PYHIN1: variants seen among roughly 807,000 people sequenced by gnomAD.
PYHIN1 encodes the protein pyrin and HIN domain family member 1, also known as pyrin and HIN domain-containing protein 1.
In PYHIN1, 32 loss-of-function variants were observed where a neutral mutation model predicts 43.7. The ratio of observed to expected loss-of-function variants is 0.73; its 90% CI spans 0.55 to 0.98. The LOEUF is 0.98. Ranked by LOEUF, PYHIN1 falls within the 50% of genes least tolerant of loss-of-function variation. PYHIN1 has a pLI of 0.00. For missense variants in PYHIN1, 588 were observed against 589.5 expected (o/e 1.00, Z 0.03); for synonymous variants, 205 against 203.1 (o/e 1.01, Z -0.08).
At chr1:158,961,789 C>A (rs1417940205) in intron 7 of PYHIN1, among the ~76,000 whole-genome samples, 2 of 152,154 alleles carry the variant, frequency 1.3e-5, no homozygotes, top group African/African-American at 4.8e-5. Context: ...CTCAGGCATA[C>A]AAGGAACCCT....
At chr1:158,979,091 A>T (rs1479695805), downstream of PYHIN1, among the ~76,000 whole-genome samples, 1 of 152,174 alleles carries the variant, frequency 6.6e-6, no homozygotes, top group East Asian at 1.9e-4. Flanking sequence ...GGCAAATCCA[A>T]CACTGTTAGC....
the PYHIN1 span, among the ~76,000 whole-genome samples, chr1:158,982,835 CTTG>C: frequency 6.6e-6 from 1 of 151,966 alleles, no homozygotes; most frequent in African/African-American, 2.4e-5. Context: ...TTTTGTAACT[CTTG>C]TTGTAGAAAT....
At position 158,943,810 on chromosome 1, in the gene PYHIN1, G is replaced by A. The variant is rs929866581; in HGVS notation, c.1023G>A (p.Thr341=). ...MLHTKIVNRK[T]TIYEIQDKTG... is the part of the protein sequence containing the mutation. ...TGCAGAAAATTGTAAATAGGAAGACGACAATCTATGAAATTCAGGATAAAA... is the reference window on the plus strand; with the variant it reads ...TGCAGAAAATTGTAAATAGGAAGACAACAATCTATGAAATTCAGGATAAAA... Residue 341 remains threonine (T), a synonymous_variant, in exon 6 of 9, where the codon ACG becomes ACA. Coordinates refer to ENST00000368140, the MANE Select transcript of PYHIN1 (RefSeq NM_152501.5). 34 of 1,599,656 alleles carry A rather than the reference G, an allele frequency of 2.1e-5. No homozygotes were observed. Among genetic ancestry groups the A allele is most frequent in the South Asian group, 3.4e-5 (3 of 88,930 alleles).
the PYHIN1 span, among the ~76,000 whole-genome samples, chr1:158,984,946 GT>G: frequency 1.0e-4 from 15 of 147,276 alleles, no homozygotes; most frequent in East Asian, 7.9e-4. Context: ...TTTAAGGTCT[GT>G]TTTTTTTTTC....
intron 7 of PYHIN1, among the ~76,000 whole-genome samples, chr1:158,952,445 C>T (rs1338844994): frequency 1.3e-5 from 2 of 152,104 alleles, no homozygotes; most frequent in Admixed American, 1.3e-4. Flanking sequence ...TGAACGGCTC[C>T]CCTTTTAATG....
At chr1:158,942,791 A>G (rs909309332) in intron 5 of PYHIN1, among the ~76,000 whole-genome samples, 1 of 152,204 alleles carries the variant, frequency 6.6e-6, no homozygotes, top group Non-Finnish European at 1.5e-5. Flanking sequence ...TTTTGAATAC[A>G]GTATTGTTCT....
At chr1:158,953,612 A>G (rs1446455362) in intron 7 of PYHIN1, among the ~76,000 whole-genome samples, 5 of 152,004 alleles carry the variant, frequency 3.3e-5, no homozygotes, top group East Asian at 1.9e-4. Context: ...CATCACCATC[A>G]TCAAAGACCA....
At chr1:158,973,906 C>A in intron 8 of PYHIN1, 135 bp downstream of exon 8, 1 of 1,057,280 alleles carries the variant, frequency 9.5e-7, no homozygotes, top group Non-Finnish European at 1.3e-6. Context: ...ATTCATTTAT[C>A]AATATATAAT....
At position 158,967,424 on chromosome 1, in the gene PYHIN1, C is replaced by T. The variant is rs564088771; in HGVS notation, c.1360-6223C>T. Among the ~76,000 whole-genome samples, 102 of 151,888 alleles carry T rather than the reference C, an allele frequency of 6.7e-4. 1 individual carries two copies. The South Asian group carries it at 0.021, about 31-fold the overall frequency. On this transcript the variant is annotated intron_variant, in intron 7 of 8. Coordinates refer to ENST00000368140, the MANE Select transcript of PYHIN1 (RefSeq NM_152501.5). ...GTTATTAACAATAAGAATTACAAAA[C>T]ACTGCTCAAAGAAATGAAGGAACAC...
At chr1:158,984,028 G>GTTTTTTTTTTTTTTTTTTT in the PYHIN1 span, among the ~76,000 whole-genome samples, 25 of 111,172 alleles carry the variant, frequency 2.2e-4, no homozygotes, top group African/African-American at 8.5e-4. Flanking sequence ...ATCTTCTCCT[G>GTTTTTTTTTTTTTTTTTTT]TTTTTTTTTT....
At chr1:158,957,027 C>T (rs1197605962) in intron 7 of PYHIN1, among the ~76,000 whole-genome samples, 1 of 146,942 alleles carries the variant, frequency 6.8e-6, no homozygotes, top group Non-Finnish European at 1.5e-5. Flanking sequence ...GAATAAAATA[C>T]CTAGGAATCC....
intron 5 of PYHIN1, 117 bp from the exon 6 acceptor site, chr1:158,943,673 G>T: frequency 1.6e-6 from 1 of 608,250 alleles, no homozygotes; most frequent in Non-Finnish European, 2.9e-6. Context: ...ATTGTATGTC[G>T]ATACAGTACT....
Position 158,933,492 on chromosome 1 carries a change from T to C in PYHIN1, c.-21+1716T>C, listed in dbSNP as rs1202024613. Among the ~76,000 whole-genome samples, 1 of 152,040 alleles carries C rather than the reference T, an allele frequency of 6.6e-6. No homozygotes were observed. Among genetic ancestry groups the C allele is most frequent in the African/African-American group, 2.4e-5 (1 of 41,434 alleles). Reference sequence around the variant, plus strand: ...GATAAGCTGGCTTTCTTCTAGTTTCTCCTTGCATGATAATTTAAATTTTTT... The same window carrying C: ...GATAAGCTGGCTTTCTTCTAGTTTCCCCTTGCATGATAATTTAAATTTTTT... On this transcript the variant is annotated intron_variant, in intron 1 of 8. Transcript: ENST00000368140. This position sits in a 1 kb window ranked among gnomAD's most constrained non-coding sequence, Gnocchi z 6.3.
intron 7 of PYHIN1, among the ~76,000 whole-genome samples, chr1:158,966,210 GTTCTGAAAT>G (rs562394602): frequency 4.6e-4 from 70 of 152,182 alleles, no homozygotes; most frequent in Middle Eastern, 6.8e-3. Flanking sequence ...CCAATAACAA[GTTCTGAAAT>G]TGAATCAGTA....
At chr1:158,964,258 T>C (rs1650490759) in intron 7 of PYHIN1, among the ~76,000 whole-genome samples, 1 of 152,190 alleles carries the variant, frequency 6.6e-6, no homozygotes, top group South Asian at 2.1e-4. Context: ...CTCATTGGTG[T>C]CCCTGAGAGA....
At chr1:158,935,606 A>G (rs1328796820) in intron 1 of PYHIN1, among the ~76,000 whole-genome samples, 1 of 152,186 alleles carries the variant, frequency 6.6e-6, no homozygotes, top group Non-Finnish European at 1.5e-5. Context: ...GTCCAACACC[A>G]AGGAAGAGGA....
chr1:158,938,396 G>A lies in PYHIN1; in HGVS notation c.266-1G>A, dbSNP rs563195017. 10 of 1,613,834 alleles carry A rather than the reference G, an allele frequency of 6.2e-6. No individual in the cohort carries two copies. The highest frequency in any genetic ancestry group is 8.5e-6 in the Non-Finnish European group (10 of 1,179,900). ...ATACATCTTCCTTTTTTCTGCATTA[G>A]TTGCAAATAAAATTGAATCCATTCC... On this transcript the variant is annotated splice_acceptor_variant, in intron 2 of 8. Coordinates refer to ENST00000368140, the MANE Select transcript of PYHIN1 (RefSeq NM_152501.5). LOFTEE classifies it high-confidence loss of function.
downstream of PYHIN1, among the ~76,000 whole-genome samples, chr1:158,981,897 G>C (rs1482632675): frequency 6.6e-6 from 1 of 152,154 alleles, no homozygotes; most frequent in Non-Finnish European, 1.5e-5. Context: ...AATGATTAGT[G>C]ATATTGAGCA....
In PYHIN1 at chr1:158,976,854, ATC is replaced by A. The variant is rs1553201646; in HGVS notation, c.*161_*162del. The stretch of plus-strand genomic sequence containing the variant: ...CACAGAAAATAATATATGTATATAT[ATC>A]TGGTTGAAATACTATATATATATAT... On this transcript the variant is annotated 3_prime_UTR_variant, in exon 9 of 9. Transcript: ENST00000368140. 194 of 318,144 alleles carry A rather than the reference ATC, an allele frequency of 6.1e-4. 32 individuals are homozygous for A. The highest frequency in any genetic ancestry group is 5.3e-3 in the South Asian group (62 of 11,722). 19.7% of individuals were successfully genotyped at this position (318,144 alleles called of 1,614,324 possible).
Sources: allele counts gnomAD v4.1 joint callset (sites outside exome capture counted in the v4.1 genomes callset), GRCh38; gene constraint gnomAD v4.1.1; non-coding constraint Gnocchi (gnomAD v3.1); transcripts MANE v1.5; gene names NCBI Gene and HGNC (gene_info 2026-07-23, HGNC 2026-07-21).